Variants in SAMD12 observed in about 807,000 individuals in gnomAD.
SAMD12 encodes the protein sterile alpha motif domain-containing protein 12.
SAMD12 carries 9 observed loss-of-function variants against 15.0 expected under a neutral mutation model. That is an observed-to-expected ratio of 0.60 (90% CI 0.36 to 1.05). The LOEUF (loss-of-function observed/expected upper bound fraction) is 1.05, where lower values mean the gene tolerates loss of function less well. SAMD12 is among the 50% of genes least tolerant of loss of function. SAMD12 has a pLI of 0.01. For synonymous variants in SAMD12, 86 were observed against 90.1 expected, an observed-to-expected ratio of 0.96 and a Z score of 0.25; for missense variants, 230 against 234.2, an observed-to-expected ratio of 0.98 and a Z score of 0.12.
chr8:118,460,553 T>C (rs528744516), intron 2 of SAMD12, among the ~76,000 whole-genome samples: 1 of 152,152 alleles, frequency 6.6e-6, no homozygotes, highest in South Asian at 2.1e-4. Flanking sequence ...AATGCAGACA[T>C]GGAATCAGGG....
intron 4 of SAMD12, among the ~76,000 whole-genome samples, chr8:118,318,240 C>T (rs1300914844): frequency 6.7e-6 from 1 of 149,498 alleles, no homozygotes; most frequent in Non-Finnish European, 1.5e-5. Context: ...GACACGTGCA[C>T]ACATATGTTT....
chr8:118,567,273 A>G (rs1481472852), intron 2 of SAMD12, among the ~76,000 whole-genome samples: 2 of 152,100 alleles, frequency 1.3e-5, no homozygotes, highest in African/African-American at 4.8e-5. Context: ...GTATTTGAAG[A>G]TAAGTCAAAA....
intron 4 of SAMD12, chr8:118,239,756 T>C (rs1428667641): frequency 6.6e-6 from 1 of 152,168 alleles, no homozygotes; most frequent in Non-Finnish European, 1.5e-5. Flanking sequence ...ACACTCTTTT[T>C]TCATGTAGCC....
At chr8:118,189,639 TAA>T (rs1819304781) in exon 5 of SAMD12, 2 of 152,104 alleles carry the variant, frequency 1.3e-5, no homozygotes, top group Admixed American at 6.6e-5. Flanking sequence ...ATCCATTTTA[TAA>T]GAGTCATGCC....
In SAMD12 at chr8:118,355,602, T is replaced by C. The variant is rs572287934; in HGVS notation, c.433+23958A>G. ...GATAGACTAGACAGTTTGGAGGTAG[T>C]AGTGGTGAGGATTCTTCCAGTCCCA... On this transcript the variant is annotated intron_variant, in intron 4 of 4. Coordinates refer to the SAMD12 transcript ENST00000409003. Among the ~76,000 whole-genome samples the C allele has an allele frequency of 3.3e-3, 498 of 152,300 alleles. 3 individuals are homozygous for C. Among genetic ancestry groups the C allele is most frequent in the Non-Finnish European group, 3.2e-3 (216 of 68,032 alleles).
intron 1 of SAMD12, among the ~76,000 whole-genome samples, chr8:118,605,395 T>C (rs975899446): frequency 5.9e-5 from 9 of 152,356 alleles, no homozygotes; most frequent in African/African-American, 1.9e-4. Flanking sequence ...TAGAATAGCT[T>C]ATGTTACTCC....
exon 5 of SAMD12, chr8:118,190,621 G>A (rs527431479): frequency 2.0e-5 from 3 of 152,104 alleles, no homozygotes; most frequent in Admixed American, 6.6e-5. Flanking sequence ...CAGCTCTACA[G>A]AGAAAGCCTC....
At chr8:118,515,865 G>A (rs573084796) in intron 2 of SAMD12, among the ~76,000 whole-genome samples, 328 of 152,296 alleles carry the variant, frequency 2.2e-3, no homozygotes, top group Non-Finnish European at 3.9e-3. Context: ...CTTGGACTCT[G>A]GTAGACTCCA....
intron 2 of SAMD12, among the ~76,000 whole-genome samples, chr8:118,538,450 T>G (rs1298984339): frequency 6.6e-6 from 1 of 152,208 alleles, no homozygotes; most frequent in Admixed American, 6.5e-5. Context: ...GGATGGGCAA[T>G]TCCCCTCCAT....
chr8:118,208,399 T>A (rs1819927814), intron 4 of SAMD12, among the ~76,000 whole-genome samples: 1 of 152,260 alleles, frequency 6.6e-6, no homozygotes, highest in Non-Finnish European at 1.5e-5. Context: ...TGTGTATGCA[T>A]CACCTGGGTA....
chr8:118,208,273 TAAAATA>T (rs1366109969), intron 4 of SAMD12, among the ~76,000 whole-genome samples: 1 of 151,990 alleles, frequency 6.6e-6, no homozygotes, highest in African/African-American at 2.4e-5. Flanking sequence ...TAAAATAAAA[TAAAATA>T]AAAATAAAAA....
intron 2 of SAMD12, among the ~76,000 whole-genome samples, chr8:118,494,711 C>T (rs1824556719): frequency 6.6e-6 from 1 of 151,982 alleles, no homozygotes; most frequent in Non-Finnish European, 1.5e-5. Flanking sequence ...GTCAGTCCTT[C>T]TGTTGTGCTT....
intron 2 of SAMD12, among the ~76,000 whole-genome samples, chr8:118,568,391 G>A (rs1826908412): frequency 6.6e-6 from 1 of 152,186 alleles, no homozygotes; most frequent in Non-Finnish European, 1.5e-5. Context: ...CACAGATCAT[G>A]CAGGATCTGG....
chr8:118,301,729 C>A (rs1586473327), intron 4 of SAMD12, among the ~76,000 whole-genome samples: 1 of 152,140 alleles, frequency 6.6e-6, no homozygotes, highest in Non-Finnish European at 1.5e-5. Flanking sequence ...GGCTCCTGAA[C>A]AGAAGTGATC....
intron 2 of SAMD12, among the ~76,000 whole-genome samples, chr8:118,551,898 C>T (rs1178061467): frequency 8.6e-5 from 13 of 151,180 alleles, no homozygotes; most frequent in Admixed American, 3.3e-4. Flanking sequence ...ACTACAAATA[C>T]GTCTACGCAA....
chr8:118,441,149 G>A (rs1822748999), intron 2 of SAMD12, among the ~76,000 whole-genome samples: 1 of 151,998 alleles, frequency 6.6e-6, no homozygotes, highest in African/African-American at 2.4e-5. Context: ...GAAAGGGCTT[G>A]CTTCAGTCTC....
At chr8:118,284,480 A>G (rs931270827) in intron 4 of SAMD12, 9 of 402,762 alleles carry the variant, frequency 2.2e-5, no homozygotes, top group Non-Finnish European at 4.0e-5. Flanking sequence ...TACACAAAGA[A>G]TCTGAAATAG....
At chr8:118,248,955 ATG>A (rs1019894260) in intron 4 of SAMD12, among the ~76,000 whole-genome samples, 5 of 152,112 alleles carry the variant, frequency 3.3e-5, no homozygotes, top group African/African-American at 1.2e-4. Context: ...AATAAAAGGC[ATG>A]TGTGTGTGTG....
chr8:118,131,835 A>G, the SAMD12 span, among the ~76,000 whole-genome samples: 7 of 152,252 alleles, frequency 4.6e-5, no homozygotes, highest in Non-Finnish European at 8.8e-5. Context: ...TGGCATGGTA[A>G]GCTTCCGACA....
Sources: gnomAD v4.1 joint callset for allele counts (sites outside exome capture counted in the v4.1 genomes callset) on GRCh38, gnomAD v4.1.1 for gene constraint, MANE v1.5 for transcripts, NCBI Gene and HGNC (gene_info 2026-07-23, HGNC 2026-07-21) for gene names.